The following UBR3 variants were observed in gnomAD, a reference collection of about 807,000 sequenced individuals.
UBR3 encodes E3 ubiquitin-protein ligase UBR3.
Under a neutral mutation model 243.2 loss-of-function variants are expected in UBR3, and 85 were observed. The observed-to-expected ratio is 0.35, with a 90% CI of 0.29 to 0.42. The LOEUF (loss-of-function observed/expected upper bound fraction) is 0.42, where lower values mean the gene tolerates loss of function less well. Among genes scored for constraint, UBR3 ranks in the 10% least tolerant of loss-of-function variants. The pLI is 1.00. For missense variants in UBR3, 1,686 were observed against 2,300.8 expected, an observed-to-expected ratio of 0.73 and a Z score of 5.47; for synonymous variants, 748 against 799.8, an observed-to-expected ratio of 0.94 and a Z score of 1.09.
At chr2:170,056,003 CTTTTTT>C (rs34415442) in intron 33 of UBR3, among the ~76,000 whole-genome samples, 1 of 88,912 alleles carries the variant, frequency 1.1e-5, no homozygotes, top group Admixed American at 1.5e-4. Flanking sequence ...TCTTTTCTTT[CTTTTTT>C]TTTTTTTTTT....
chr2:169,857,341 T>G (rs1263896087), intron 1 of UBR3, among the ~76,000 whole-genome samples: 1 of 152,052 alleles, frequency 6.6e-6, no homozygotes, highest in Non-Finnish European at 1.5e-5. Context: ...CCTCACAAAG[T>G]GCTAATGTGA....
intron 25 of UBR3, among the ~76,000 whole-genome samples, chr2:169,992,072 A>G (rs1363702775): frequency 6.6e-6 from 1 of 152,194 alleles, no homozygotes; most frequent in African/African-American, 2.4e-5. Flanking sequence ...CAGAAATGAA[A>G]TTATTGACTT....
At position 170,057,624 on chromosome 2, in the gene UBR3, T is replaced by C. The variant is rs957065251; in HGVS notation, c.4785+2040T>C. On this transcript the variant is annotated intron_variant, in intron 33 of 38. Coordinates refer to ENST00000272793, the MANE Select transcript of UBR3 (RefSeq NM_172070.4). Reference sequence around the variant, plus strand: ...AAAATTTGGGTCTAACTATTTACAATTGTAAATCTATGAAGGGAGGAACAT... The same window carrying C: ...AAAATTTGGGTCTAACTATTTACAACTGTAAATCTATGAAGGGAGGAACAT... Among the ~76,000 whole-genome samples the C allele has an allele frequency of 5.9e-5, 9 of 152,152 alleles. 1 individual carries two copies. Among genetic ancestry groups the C allele is most frequent in the Non-Finnish European group, 1.2e-4 (8 of 68,018 alleles).
At chr2:169,914,013 A>G in intron 10 of UBR3, 47 bp from the exon 11 acceptor site, 1 of 873,856 alleles carries the variant, frequency 1.1e-6, no homozygotes, top group African/African-American at 1.8e-5. Flanking sequence ...TGTTGAAAAT[A>G]TATGTTTATA....
At position 170,040,959 on chromosome 2, in the gene UBR3, T is replaced by C; in HGVS notation, c.4634T>C (p.Leu1545Ser). ...DVTSLLLIQI[L>S]MMPQPLRKDH... ...ACATCCCTTTTGCTCATCCAGATCTTAATGATGCCACAACCCTTACGCAAA... is the reference window on the plus strand; with the variant it reads ...ACATCCCTTTTGCTCATCCAGATCTCAATGATGCCACAACCCTTACGCAAA... The change falls in exon 32 of 39, where the codon TTA (leucine) becomes TCA (serine). Residue 1545 changes from leucine to serine, a missense_variant. Physicochemically the swap from Leu to Ser is moderately radical, Grantham distance 145 (BLOSUM62 -2). Around this residue, in one of 8 missense-constraint regions of UBR3, gnomAD observed 371 missense variants for 422.5 expected, o/e 0.88. Transcript: ENST00000272793. 1.2e-6 allele frequency: 2 copies of C among 1,613,358 alleles called. No individual in the cohort carries two copies. Among genetic ancestry groups the C allele is most frequent in the Non-Finnish European group, 8.5e-7 (1 of 1,179,566 alleles).
In UBR3 at chr2:169,827,661, C is replaced by G; in HGVS notation, c.154C>G (p.Gln52Glu). Residue 52 changes from glutamine (Q) to glutamate (E), a missense_variant, in exon 1 of 39, where the codon CAG becomes GAG. Transcript: ENST00000272793. Reference sequence around the variant, plus strand: ...CAACCGCGCAGGTGCTGAGGAGCTGCAGGCGCTGCTGGAGCGGGTGCTGAG... The same window carrying G: ...CAACCGCGCAGGTGCTGAGGAGCTGGAGGCGCTGCTGGAGCGGGTGCTGAG... ...PDNRAGAEEL[Q>E]ALLERVLSAE... The G allele has an allele frequency of 8.1e-7, 1 of 1,238,920 alleles. No individual in the cohort carries two copies. The highest frequency in any genetic ancestry group is 1.0e-6 in the Non-Finnish European group (1 of 993,592). The allele number at this position is 1,238,920 out of a possible 1,614,324, so 76.7% of individuals were successfully genotyped here. A position where few individuals can be genotyped will look rare whatever the true frequency, so the allele number is the denominator to read the frequency against.
chr2:169,848,613 G>A (rs922131923), intron 1 of UBR3, among the ~76,000 whole-genome samples: 2 of 151,744 alleles, frequency 1.3e-5, no homozygotes, highest in African/African-American at 4.8e-5. Context: ...TTTTGGGAGA[G>A]GACTATCTCC....
chr2:169,911,133 A>G (rs755508669), intron 10 of UBR3, among the ~76,000 whole-genome samples: 1 of 152,188 alleles, frequency 6.6e-6, no homozygotes, highest in Non-Finnish European at 1.5e-5. Flanking sequence ...AATACTACCC[A>G]GATAGCTCAG....
At chr2:169,903,933 A>C (rs2084921298) in intron 8 of UBR3, among the ~76,000 whole-genome samples, 1 of 152,106 alleles carries the variant, frequency 6.6e-6, no homozygotes, top group Non-Finnish European at 1.5e-5. Context: ...CCAGGCTTTT[A>C]ACTTTGGGCA....
intron 29 of UBR3, among the ~76,000 whole-genome samples, chr2:170,011,054 A>G (rs2090067625): frequency 6.6e-6 from 1 of 152,110 alleles, no homozygotes; most frequent in African/African-American, 2.4e-5. Flanking sequence ...AGTCCCAGCT[A>G]CTTGGGAGGC....
Position 169,905,927 on chromosome 2 carries a change from A to G in UBR3, c.1646-104A>G, listed in dbSNP as rs1313956044. 4 of 1,243,822 alleles carry G rather than the reference A, an allele frequency of 3.2e-6. No homozygotes were observed. The African/African-American group carries it at 4.6e-5, about 14-fold the overall frequency. 77.0% of individuals were successfully genotyped at this position (1,243,822 alleles called of 1,614,324 possible). The stretch of plus-strand genomic sequence containing the variant: ...CTATATGTACTGTGTCAGTAATGCT[A>G]TTTGTGTGCATAAATGTGTTTGGGA... On this transcript the variant is annotated intron_variant, in intron 9 of 38. Transcript: ENST00000272793.
intron 24 of UBR3, among the ~76,000 whole-genome samples, chr2:169,981,074 G>A (rs2088705832): frequency 1.3e-5 from 2 of 152,128 alleles, no homozygotes; most frequent in Middle Eastern, 3.4e-3. Flanking sequence ...ATAACCCTGA[G>A]TATAAAAGAA....
At chr2:169,878,803 C>T (rs937315158) in intron 5 of UBR3, among the ~76,000 whole-genome samples, 2 of 152,118 alleles carry the variant, frequency 1.3e-5, no homozygotes, top group Non-Finnish European at 2.9e-5. Context: ...TAGATTTTTA[C>T]TTCTTGTTTA....
rs571562990 is a variant in UBR3, at chr2:170,082,117, A to G, written c.*274A>G. On this transcript the variant is annotated 3_prime_UTR_variant, in exon 39 of 39. Transcript: ENST00000272793. ...TAATAAGAAGCACAACTTGTTCACAAACTCATTCAGAAATGATTCTCCCAA... is the reference window on the plus strand; with the variant it reads ...TAATAAGAAGCACAACTTGTTCACAGACTCATTCAGAAATGATTCTCCCAA... 1.6e-4 allele frequency: 43 copies of G among 260,964 alleles called. No individual in the cohort carries two copies. The highest frequency in any genetic ancestry group is 2.3e-4 in the Non-Finnish European group (32 of 139,636). 16.2% of individuals were successfully genotyped at this position (260,964 alleles called of 1,614,324 possible).
chr2:170,081,662 G>C, intron 38 of UBR3, 64 bp from the exon 39 acceptor site: 1 of 1,263,290 alleles, frequency 7.9e-7, no homozygotes, highest in South Asian at 1.6e-5. Context: ...AAAAAAAGAA[G>C]AAAGAAATGC....
At chr2:170,077,601 T>C in intron 36 of UBR3, 1 of 508,676 alleles carries the variant, frequency 2.0e-6, no homozygotes, top group South Asian at 3.6e-5. Context: ...TTGGAATAAC[T>C]TTGAGACAGA....
At chr2:169,848,456 C>T (rs1271460518) in intron 1 of UBR3, among the ~76,000 whole-genome samples, 7 of 150,230 alleles carry the variant, frequency 4.7e-5, no homozygotes, top group African/African-American at 9.8e-5. Context: ...AACTTAATTA[C>T]GCACATATTT....
chr2:169,926,644 A>C, intron 14 of UBR3, 48 bp from the exon 15 acceptor site: 2 of 1,477,306 alleles, frequency 1.4e-6, no homozygotes, highest in Non-Finnish European at 1.8e-6. Flanking sequence ...TTAATAGAAG[A>C]AGGAAAACTG....
At chr2:170,060,774 C>T (rs187985954) in intron 33 of UBR3, among the ~76,000 whole-genome samples, 161 of 151,930 alleles carry the variant, frequency 1.1e-3, no homozygotes, top group Middle Eastern at 3.4e-3. Context: ...GATTATATCC[C>T]TGGAAAGAAT....
Sources: allele counts gnomAD v4.1 joint callset (sites outside exome capture counted in the v4.1 genomes callset), GRCh38; gene constraint gnomAD v4.1.1; regional missense constraint gnomAD v4.1.1; transcripts MANE v1.5; gene names NCBI Gene and HGNC (gene_info 2026-07-23, HGNC 2026-07-21).